DLGAP2: variants seen among roughly 807,000 people sequenced by gnomAD.
The protein encoded by DLGAP2 is disks large-associated protein 2.
Under a neutral mutation model 100.3 loss-of-function variants are expected in DLGAP2, and 26 were observed. The ratio of observed to expected loss-of-function variants is 0.26; its 90% CI spans 0.19 to 0.36. The LOEUF (loss-of-function observed/expected upper bound fraction) is 0.36. Among genes scored for constraint, DLGAP2 ranks in the 10% least tolerant of loss-of-function variants. DLGAP2 has a pLI of 1.00. For synonymous variants in DLGAP2, 886 were observed against 630.1 expected (o/e 1.41, Z -6.08); for missense variants, 1,858 against 1,453.2 (o/e 1.28, Z -4.53).
At chr8:1,152,302 T>C (rs904323370) in intron 2 of DLGAP2, among the ~76,000 whole-genome samples, 1 of 152,254 alleles carries the variant, frequency 6.6e-6, no homozygotes, top group Non-Finnish European at 1.5e-5. Flanking sequence ...GCAAATGCCA[T>C]TTTTAACATA....
intron 12 of DLGAP2, among the ~76,000 whole-genome samples, chr8:1,681,014 A>C (rs1274421161): frequency 6.6e-6 from 1 of 152,050 alleles, no homozygotes; most frequent in Non-Finnish European, 1.5e-5. Flanking sequence ...GTGTTTCCTC[A>C]AAAGAACACC....
intron 1 of DLGAP2, among the ~76,000 whole-genome samples, chr8:826,138 G>T (rs1188976477): frequency 6.6e-6 from 1 of 152,166 alleles, no homozygotes; most frequent in Non-Finnish European, 1.5e-5. Flanking sequence ...CATCAATATT[G>T]TTGCAAATGA....
At chr8:1,332,406 TGA>T (rs965997318) in intron 3 of DLGAP2, among the ~76,000 whole-genome samples, 7 of 152,096 alleles carry the variant, frequency 4.6e-5, no homozygotes, top group African/African-American at 1.7e-4. Context: ...TCTGCATGTG[TGA>T]GTATATGCGT....
chr8:1,165,167 A>G (rs1796989798), intron 2 of DLGAP2, among the ~76,000 whole-genome samples: 1 of 128,628 alleles, frequency 7.8e-6, no homozygotes, highest in Admixed American at 8.3e-5. Flanking sequence ...GAAAGGAGAC[A>G]GAGAGAGAGG....
intron 3 of DLGAP2, among the ~76,000 whole-genome samples, chr8:1,469,547 C>T (rs1412130964): frequency 6.6e-6 from 1 of 152,200 alleles, no homozygotes; most frequent in Non-Finnish European, 1.5e-5. Context: ...TTGCCTGCTC[C>T]TTCGCTGCCT....
chr8:1,240,448 G>A lies in DLGAP2; in HGVS notation c.74-18403G>A, dbSNP rs78496759. ...ACCGTGTCTAGTTCTGTCACATGGC[G>A]CCATGTCTAGTTCTCTCACATGGCA... On this transcript the variant is annotated intron_variant, in intron 2 of 14. Transcript: ENST00000637795. Among the ~76,000 whole-genome samples the A allele has an allele frequency of 8.9e-3, 1,303 of 146,072 alleles. 25 individuals carry two copies. Among genetic ancestry groups the A allele is most frequent in the East Asian group, 0.058 (277 of 4,742 alleles).
intron 2 of DLGAP2, among the ~76,000 whole-genome samples, chr8:1,066,940 C>G (rs1013185294): frequency 2.0e-5 from 3 of 152,192 alleles, no homozygotes; most frequent in Admixed American, 6.5e-5. Context: ...GCTTCCTGGT[C>G]GCAGCAGGCG....
chr8:1,317,664 A>T (rs1208626875), intron 3 of DLGAP2, among the ~76,000 whole-genome samples: 2 of 140,660 alleles, frequency 1.4e-5, no homozygotes, highest in Non-Finnish European at 1.5e-5. Flanking sequence ...TTAAAAATAG[A>T]GCGTGTGCGA....
chr8:1,698,908 T>G (rs926644305), intron 14 of DLGAP2, among the ~76,000 whole-genome samples: 1 of 151,624 alleles, frequency 6.6e-6, no homozygotes, highest in East Asian at 1.9e-4. Context: ...CAGGTCCCAG[T>G]AAGCCATGCA....
chr8:1,227,209 T>A (rs1798440529), intron 2 of DLGAP2, among the ~76,000 whole-genome samples: 2 of 133,268 alleles, frequency 1.5e-5, no homozygotes, highest in Admixed American at 1.5e-4. Context: ...TTTTTAAGAG[T>A]GTTATATATA....
chr8:998,955 C>T (rs995328089), intron 2 of DLGAP2, among the ~76,000 whole-genome samples: 5 of 152,124 alleles, frequency 3.3e-5, no homozygotes, highest in Non-Finnish European at 7.3e-5. Flanking sequence ...CTGAAGGATA[C>T]GTGGGCTGGT....
chr8:975,894 C>G (rs924238551), intron 2 of DLGAP2, among the ~76,000 whole-genome samples: 7 of 151,262 alleles, frequency 4.6e-5, no homozygotes, highest in African/African-American at 1.7e-4. Flanking sequence ...CTGTACAGAC[C>G]AAGACGGGAG....
chr8:1,497,183 G>C (rs190733344), intron 3 of DLGAP2, among the ~76,000 whole-genome samples: 1 of 152,166 alleles, frequency 6.6e-6, no homozygotes, highest in Non-Finnish European at 1.5e-5. Context: ...GCATTCCCAC[G>C]CGTGAATGGA....
At chr8:1,586,156 G>T (rs1000279755) in intron 6 of DLGAP2, among the ~76,000 whole-genome samples, 2 of 152,250 alleles carry the variant, frequency 1.3e-5, no homozygotes, top group African/African-American at 4.8e-5. Context: ...AGGCCGAGGT[G>T]TCGGCAGCCT....
chr8:840,782 C>G (rs183984624), intron 1 of DLGAP2, among the ~76,000 whole-genome samples: 2 of 152,056 alleles, frequency 1.3e-5, no homozygotes, highest in Admixed American at 6.6e-5. Context: ...CGCGTCTACA[C>G]GGTACATGCC....
intron 2 of DLGAP2, among the ~76,000 whole-genome samples, chr8:1,192,091 G>C (rs948768336): frequency 6.6e-6 from 1 of 152,116 alleles, no homozygotes; most frequent in Non-Finnish European, 1.5e-5. Flanking sequence ...GGTGTGCGTG[G>C]CCCCTGCACT....
Position 1,306,074 on chromosome 8 carries a change from C to CAAA in DLGAP2, c.106+47207_106+47209dup, listed in dbSNP as rs61647224. On this transcript the variant is annotated intron_variant, in intron 3 of 14. Transcript: ENST00000637795. ...AGAAGTCCTAGACAGAGAAATTAGG[C>CAAA]AAAAAAAAAAAAAAAAAAGAGAGAG... is the stretch of plus-strand genomic sequence containing the variant. Among the ~76,000 whole-genome samples the CAAA allele has an allele frequency of 8.6e-5, 10 of 116,444 alleles. No individual in the cohort carries two copies. In the East Asian group the frequency reaches 9.5e-4, roughly 11 times the overall value. 76.4% of individuals were successfully genotyped at this position (116,444 alleles called of 152,430 possible). A position where few individuals can be genotyped will look rare whatever the true frequency, so the allele number is the denominator to read the frequency against.
At chr8:795,706 A>G (rs1387722921) in intron 1 of DLGAP2, among the ~76,000 whole-genome samples, 25 of 143,398 alleles carry the variant, frequency 1.7e-4, no homozygotes, top group South Asian at 2.4e-4. Flanking sequence ...GCAGGCGTCC[A>G]GTGAGAGCAG....
chr8:1,667,976 C>T (rs935098858), intron 8 of DLGAP2, among the ~76,000 whole-genome samples: 2 of 151,976 alleles, frequency 1.3e-5, no homozygotes, highest in Admixed American at 1.3e-4. Flanking sequence ...TTTTAAATGA[C>T]GCCACACCTG....
Sources: allele counts gnomAD v4.1 joint callset (sites outside exome capture counted in the v4.1 genomes callset), GRCh38; gene constraint gnomAD v4.1.1; transcripts MANE v1.5; gene names NCBI Gene and HGNC (gene_info 2026-07-23, HGNC 2026-07-21).